The following SHTN1 variants were observed in gnomAD, a reference collection of about 807,000 sequenced individuals.
SHTN1 encodes shootin 1.
SHTN1 carries 42 observed loss-of-function variants against 83.1 expected under a neutral mutation model. The observed-to-expected ratio is 0.51, with a 90% CI of 0.39 to 0.65. The LOEUF is 0.65. SHTN1 is among the 30% of genes least tolerant of loss of function. SHTN1 has a pLI of 0.00. For synonymous variants in SHTN1, 224 were observed against 247.7 expected (o/e 0.90, Z 0.90); for missense variants, 622 against 737.8 (o/e 0.84, Z 1.82).
chr10:116,942,447 A>T (rs997802179), intron 8 of SHTN1, among the ~76,000 whole-genome samples: 7 of 152,054 alleles, frequency 4.6e-5, no homozygotes, highest in Non-Finnish European at 1.0e-4. Context: ...TCCTGGCCTC[A>T]ATTGATCCCC....
intron 1 of SHTN1, among the ~76,000 whole-genome samples, chr10:117,053,447 G>A (rs1852777666): frequency 6.6e-6 from 1 of 152,058 alleles, no homozygotes; most frequent in Non-Finnish European, 1.5e-5. Flanking sequence ...TAAAAATGGG[G>A]AAAGGACTTG....
chr10:116,923,624 C>A (rs1322316675), intron 11 of SHTN1, among the ~76,000 whole-genome samples: 1 of 151,926 alleles, frequency 6.6e-6, no homozygotes, highest in African/African-American at 2.4e-5. Flanking sequence ...GGCACAGTCA[C>A]CACTCATTGC....
chr10:117,018,512 A>ATTTTT lies in SHTN1; in HGVS notation c.-123+29932_-123+29933insAAAAA, dbSNP rs1479234502. On this transcript the variant is annotated intron_variant, in intron 2 of 17. Transcript: ENST00000392901. ...GGGTGTATGTGTATTTTTTTTAAAAAAAAAAAAAAAAGGAAAATATTTTTC... is the reference window on the plus strand; with the variant it reads ...GGGTGTATGTGTATTTTTTTTAAAAATTTTTAAAAAAAAAAAGGAAAATATTTTTC... Among the ~76,000 whole-genome samples, 87 of 149,762 alleles carry ATTTTT rather than the reference A, an allele frequency of 5.8e-4. 1 individual carries two copies. The highest frequency in any genetic ancestry group is 3.4e-3 in the Middle Eastern group (1 of 292).
intron 2 of SHTN1, among the ~76,000 whole-genome samples, chr10:117,039,836 G>C (rs368753867): frequency 1.6e-3 from 221 of 139,616 alleles, no homozygotes; most frequent in African/African-American, 5.5e-3. Context: ...CTGGGCAACA[G>C]AGTGAGACTC....
intron 1 of SHTN1, among the ~76,000 whole-genome samples, chr10:117,123,259 C>G (rs1853957229): frequency 6.6e-6 from 1 of 152,180 alleles, no homozygotes; most frequent in African/African-American, 2.4e-5. Flanking sequence ...GCCTCGGCCT[C>G]CCAATACGTG....
At chr10:117,033,418 T>G (rs532150454) in intron 2 of SHTN1, among the ~76,000 whole-genome samples, 84 of 152,100 alleles carry the variant, frequency 5.5e-4, no homozygotes, top group African/African-American at 1.9e-3. Flanking sequence ...GCCAGTAAAT[T>G]GGAAAATCTA....
At chr10:117,101,591 G>A (rs1200175627) in intron 1 of SHTN1, among the ~76,000 whole-genome samples, 3 of 152,138 alleles carry the variant, frequency 2.0e-5, no homozygotes, top group Non-Finnish European at 4.4e-5. Context: ...ATCTTCTATG[G>A]TCTCATGAGG....
intron 1 of SHTN1, among the ~76,000 whole-genome samples, chr10:117,004,764 C>T (rs1186915652): frequency 1.3e-5 from 2 of 152,242 alleles, no homozygotes; most frequent in Non-Finnish European, 2.9e-5. Context: ...CGATCGCCAG[C>T]AAACGCAACC....
At chr10:117,060,108 G>A (rs1852879471) in intron 1 of SHTN1, among the ~76,000 whole-genome samples, 1 of 152,060 alleles carries the variant, frequency 6.6e-6, no homozygotes, top group Non-Finnish European at 1.5e-5. Context: ...AGCTCCTCAG[G>A]AAGCTGAGGC....
intron 4 of SHTN1, among the ~76,000 whole-genome samples, chr10:116,955,383 T>C (rs899899004): frequency 6.6e-6 from 1 of 152,212 alleles, no homozygotes; most frequent in African/African-American, 2.4e-5. Context: ...AGTAGATTAT[T>C]TTCCCTACTA....
At chr10:117,011,174 T>G (rs1852097697) in intron 2 of SHTN1, among the ~76,000 whole-genome samples, 1 of 152,222 alleles carries the variant, frequency 6.6e-6, no homozygotes, top group African/African-American at 2.4e-5. Context: ...CCAAATAATC[T>G]GTGAAAAAGC....
At chr10:117,073,636 G>A (rs1289358001) in intron 1 of SHTN1, among the ~76,000 whole-genome samples, 6 of 152,198 alleles carry the variant, frequency 3.9e-5, no homozygotes, top group Non-Finnish European at 8.8e-5. Context: ...AAGTATGGGT[G>A]ATGCCACCTC....
intron 1 of SHTN1, among the ~76,000 whole-genome samples, chr10:117,095,865 C>T (rs1292426055): frequency 6.6e-6 from 1 of 152,138 alleles, no homozygotes; most frequent in Non-Finnish European, 1.5e-5. Context: ...TATTTTCACT[C>T]ACAGAGAAAG....
intron 16 of SHTN1, chr10:116,901,355 GAA>G (rs1847727519): frequency 2.0e-6 from 2 of 985,156 alleles, no homozygotes; most frequent in Non-Finnish European, 2.4e-6. Context: ...GACTAGAAAA[GAA>G]GGTTGTAAAA....
In SHTN1 at chr10:116,948,910, A is replaced by G. The variant is rs879011926; in HGVS notation, c.616+6T>C. 6.4e-7 allele frequency: 1 copy of G among 1,556,314 alleles called. No homozygotes were observed. The stretch of plus-strand genomic sequence containing the variant: ...TATTTGAGAAAAAAAGACTGGACAG[A>G]CTTACCTCTATTGCATTTTTCTAAG... On this transcript the variant is annotated splice_donor_region_variant and intron_variant, in intron 7 of 16. Coordinates refer to ENST00000355371, the MANE Select transcript of SHTN1 (RefSeq NM_001127211.3).
chr10:116,979,165 C>T (rs1589863337), intron 2 of SHTN1, 91 bp downstream of exon 2: 2 of 1,064,784 alleles, frequency 1.9e-6, no homozygotes, highest in East Asian at 2.4e-5. Context: ...CCCTCATTCA[C>T]ATTTAACTGA....
intron 8 of SHTN1, among the ~76,000 whole-genome samples, chr10:116,942,649 A>T (rs561097270): frequency 1.1e-4 from 17 of 152,312 alleles, no homozygotes; most frequent in African/African-American, 4.1e-4. Flanking sequence ...ATGGGGGGTA[A>T]CTTTCAATTT....
chr10:117,075,462 T>C (rs1853138781), intron 1 of SHTN1, among the ~76,000 whole-genome samples: 1 of 152,216 alleles, frequency 6.6e-6, no homozygotes, highest in South Asian at 2.1e-4. Context: ...GGTATTCTGT[T>C]AGACACTGAG....
At chr10:116,916,298 G>C (rs1848380986) in intron 12 of SHTN1, among the ~76,000 whole-genome samples, 1 of 152,176 alleles carries the variant, frequency 6.6e-6, no homozygotes, top group Non-Finnish European at 1.5e-5. Context: ...TTGTAGAATA[G>C]CTTGACCAAA....
Sources: gnomAD v4.1 joint callset for allele counts (sites outside exome capture counted in the v4.1 genomes callset) on GRCh38, gnomAD v4.1.1 for gene constraint, MANE v1.5 for transcripts, NCBI Gene and HGNC (gene_info 2026-07-23, HGNC 2026-07-21) for gene names.